The following EPB41L4A variants were observed in gnomAD, a reference collection of about 807,000 sequenced individuals.
EPB41L4A encodes band 4.1-like protein 4A.
EPB41L4A carries 100 observed loss-of-function variants against 108.6 expected under a neutral mutation model. That is an observed-to-expected ratio of 0.92 (90% CI 0.78 to 1.09). The LOEUF (loss-of-function observed/expected upper bound fraction) is 1.09, where lower values mean the gene tolerates loss of function less well. EPB41L4A is among the 50% of genes least tolerant of loss of function. EPB41L4A has a pLI of 0.00. For missense variants in EPB41L4A, 1,030 were observed against 842.7 expected, an observed-to-expected ratio of 1.22 and a Z score of -2.75; for synonymous variants, 319 against 289.0, an observed-to-expected ratio of 1.10 and a Z score of -1.05.
chr5:112,191,118 C>G (rs1016347990), intron 17 of EPB41L4A, among the ~76,000 whole-genome samples: 2 of 152,088 alleles, frequency 1.3e-5, no homozygotes, highest in Non-Finnish European at 2.9e-5. Flanking sequence ...TCTCAAATCT[C>G]AAAACCTAGA....
intron 1 of EPB41L4A, among the ~76,000 whole-genome samples, chr5:112,344,832 T>C (rs140874714): frequency 0.012 from 1,790 of 152,300 alleles, 28 homozygotes; most frequent in South Asian, 0.038. Flanking sequence ...CACCTACTGG[T>C]TCTCTTTCTC....
rs537115542 is a variant in EPB41L4A, at chr5:112,276,489, T to C, written c.257-1085A>G. Among the ~76,000 whole-genome samples, 100 of 152,242 alleles carry C rather than the reference T, an allele frequency of 6.6e-4. 1 individual carries two copies. Among genetic ancestry groups the C allele is most frequent in the Non-Finnish European group, 1.3e-3 (87 of 68,042 alleles). ...CAAGCTGTGCAGTAACTAGATCTAA[T>C]ACACTTTGTTTTTAAAAGGATTTGT... On this transcript the variant is annotated intron_variant, in intron 3 of 22. Transcript: ENST00000261486.
At chr5:112,289,295 A>G (rs569893836) in intron 2 of EPB41L4A, among the ~76,000 whole-genome samples, 2 of 152,328 alleles carry the variant, frequency 1.3e-5, no homozygotes, top group African/African-American at 2.4e-5. Flanking sequence ...GAGCAACTTC[A>G]TAATATTTGC....
intron 1 of EPB41L4A, among the ~76,000 whole-genome samples, chr5:112,319,285 T>A (rs899804315): frequency 1.3e-5 from 2 of 152,112 alleles, no homozygotes; most frequent in Non-Finnish European, 2.9e-5. Flanking sequence ...AATGATAGTG[T>A]CAGATTACAA....
intron 1 of EPB41L4A, among the ~76,000 whole-genome samples, chr5:112,325,969 TTG>T: frequency 6.6e-6 from 1 of 152,158 alleles, no homozygotes; most frequent in South Asian, 2.1e-4. Flanking sequence ...TAGGGCAACA[TTG>T]TAAGACCCAT....
At chr5:112,188,467 T>C (rs188861724) in intron 17 of EPB41L4A, among the ~76,000 whole-genome samples, 1 of 152,336 alleles carries the variant, frequency 6.6e-6, no homozygotes, top group East Asian at 1.9e-4. Flanking sequence ...CATGAATTTT[T>C]AACCTATTTT....
At chr5:112,306,794 G>A (rs1328173663) in intron 2 of EPB41L4A, among the ~76,000 whole-genome samples, 1 of 151,512 alleles carries the variant, frequency 6.6e-6, no homozygotes, top group Non-Finnish European at 1.5e-5. Flanking sequence ...GAATTTCTTA[G>A]TAACTCTCTA....
In EPB41L4A at chr5:112,240,775, A is replaced by C; in HGVS notation, c.831T>G (p.Ser277Arg). 1 of 1,590,662 alleles carries C rather than the reference A, an allele frequency of 6.3e-7. No individual in the cohort carries two copies. Among genetic ancestry groups the C allele is most frequent in the South Asian group, 1.2e-5 (1 of 85,350 alleles). The change falls in exon 10 of 23, where the codon AGT becomes AGG. Residue 277 changes from serine to arginine, a missense_variant. Ser to Arg is a moderately radical substitution (Grantham distance 110). Transcript: ENST00000261486. ...NETSFFFEAR[S>R]KTACKHLWKC... ...TCCAGAGGTGCTTGCAAGCAGTTTT[A>C]CTCCGAGCTTCAAAAAAGAATGAGG...
At chr5:112,344,787 G>T (rs1757533645) in intron 1 of EPB41L4A, among the ~76,000 whole-genome samples, 1 of 152,192 alleles carries the variant, frequency 6.6e-6, no homozygotes, top group Non-Finnish European at 1.5e-5. Context: ...CACAATCACA[G>T]AAGCCAAGGA....
At chr5:112,316,526 T>C (rs942242218) in intron 1 of EPB41L4A, among the ~76,000 whole-genome samples, 2 of 152,114 alleles carry the variant, frequency 1.3e-5, no homozygotes, top group African/African-American at 4.8e-5. Flanking sequence ...CTGGCCCCCA[T>C]TGTTTATGTC....
At position 112,201,968 on chromosome 5, in the gene EPB41L4A, A is replaced by G. The variant is rs2150289793; in HGVS notation, c.1376+2407T>C. ...GGTGGGCTGAATATTTTTCATTGGT[A>G]CTCAGCCTCTACTGACTCATCTATA... On this transcript the variant is annotated intron_variant, in intron 15 of 22. Transcript: ENST00000261486. 1.3e-5 allele frequency among the ~76,000 whole-genome samples: 2 copies of G among 152,240 alleles called. 1 individual carries two copies.
chr5:112,312,825 C>A (rs528239994), intron 1 of EPB41L4A, among the ~76,000 whole-genome samples: 1 of 152,220 alleles, frequency 6.6e-6, no homozygotes, highest in East Asian at 1.9e-4. Context: ...TTTGTAGAGA[C>A]CACCTATGGG....
chr5:112,256,347 CT>C (rs1751091261), intron 9 of EPB41L4A, among the ~76,000 whole-genome samples: 1 of 152,096 alleles, frequency 6.6e-6, no homozygotes. Context: ...TAGTACTCTT[CT>C]AGAAGTTCGG....
intron 1 of EPB41L4A, among the ~76,000 whole-genome samples, chr5:112,326,919 A>T (rs1374154100): frequency 6.6e-6 from 1 of 152,206 alleles, no homozygotes; most frequent in Non-Finnish European, 1.5e-5. Context: ...TCATTAAAAA[A>T]ATATTCACTG....
At chr5:112,213,935 G>A (rs1185599617) in intron 12 of EPB41L4A, among the ~76,000 whole-genome samples, 6 of 152,146 alleles carry the variant, frequency 3.9e-5, no homozygotes, top group Non-Finnish European at 8.8e-5. Context: ...TTTAACCACT[G>A]TCCAAATTAG....
chr5:112,270,187 A>G (rs781650415), intron 4 of EPB41L4A, among the ~76,000 whole-genome samples: 5 of 152,188 alleles, frequency 3.3e-5, no homozygotes, highest in Non-Finnish European at 5.9e-5. Context: ...AACAGTCATG[A>G]ATGCTTACAC....
chr5:112,405,228 G>A (rs1762011329), intron 1 of EPB41L4A, among the ~76,000 whole-genome samples: 1 of 152,160 alleles, frequency 6.6e-6, no homozygotes, highest in Non-Finnish European at 1.5e-5. Context: ...CAGCCCACAT[G>A]GTGAGGGCCT....
intron 1 of EPB41L4A, among the ~76,000 whole-genome samples, chr5:112,397,631 A>T (rs1322411057): frequency 1.3e-5 from 2 of 152,242 alleles, no homozygotes; most frequent in African/African-American, 2.4e-5. Flanking sequence ...AAAAATATAA[A>T]TAAAACTTTA....
chr5:112,253,230 C>T (rs1580535521), intron 9 of EPB41L4A, among the ~76,000 whole-genome samples: 1 of 152,276 alleles, frequency 6.6e-6, no homozygotes, highest in Non-Finnish European at 1.5e-5. Flanking sequence ...CAACGAGGGA[C>T]AGGTGGTCAC....
Sources: allele counts gnomAD v4.1 joint callset (sites outside exome capture counted in the v4.1 genomes callset), GRCh38; gene constraint gnomAD v4.1.1; transcripts MANE v1.5; gene names NCBI Gene and HGNC (gene_info 2026-07-23, HGNC 2026-07-21).